SCARA5: variants seen among roughly 807,000 people sequenced by gnomAD.
SCARA5 encodes the protein scavenger receptor class A, member 5 (putative).
SCARA5 carries 45 observed loss-of-function variants against 46.3 expected under a neutral mutation model. The observed-to-expected ratio is 0.97, with a 90% CI of 0.76 to 1.24. The LOEUF is 1.24. Among genes scored for constraint, SCARA5 ranks in the 50% most tolerant of loss-of-function variants. The probability of loss-of-function intolerance (pLI) is 0.00; values close to 1 mark genes in which losing one functional copy is unlikely to be tolerated. For missense variants in SCARA5, 680 were observed against 689.0 expected (o/e 0.99, Z 0.15); for synonymous variants, 333 against 306.5 (o/e 1.09, Z -0.90).
At chr8:27,956,021 A>G (rs1206510611) in intron 3 of SCARA5, among the ~76,000 whole-genome samples, 2 of 152,202 alleles carry the variant, frequency 1.3e-5, no homozygotes, top group Non-Finnish European at 2.9e-5. Context: ...CTGATTACAC[A>G]TTGGATTTGA....
chr8:27,955,288 A>G (rs1808190739), intron 3 of SCARA5, among the ~76,000 whole-genome samples: 1 of 152,202 alleles, frequency 6.6e-6, no homozygotes, highest in African/African-American at 2.4e-5. Flanking sequence ...AGGGTTTCCC[A>G]GCAGGGCGAG....
At chr8:27,991,725 C>T (rs1248037828) in intron 1 of SCARA5, among the ~76,000 whole-genome samples, 1 of 152,156 alleles carries the variant, frequency 6.6e-6, no homozygotes, top group Non-Finnish European at 1.5e-5. Flanking sequence ...AAATGTTTTC[C>T]TCCTCTAACT....
At chr8:27,938,326 A>T (rs1807889626) in intron 3 of SCARA5, among the ~76,000 whole-genome samples, 1 of 146,998 alleles carries the variant, frequency 6.8e-6, no homozygotes, top group Non-Finnish European at 1.5e-5. Context: ...TTTGAAGGTG[A>T]ATTTATTGGT....
At position 27,889,137 on chromosome 8, in the gene SCARA5, C is replaced by T. The variant is rs1264773749; in HGVS notation, c.1154-9371G>A. Reference sequence around the variant, plus strand: ...GGCCCCAAATCTCTCAAAGCTTGAGCTTGTTCCCCAGTAAAGAGGGTACAG... The same window carrying T: ...GGCCCCAAATCTCTCAAAGCTTGAGTTTGTTCCCCAGTAAAGAGGGTACAG... On this transcript the variant is annotated intron_variant, in intron 7 of 8. Transcript: ENST00000354914. Among the ~76,000 whole-genome samples, 15 of 152,270 alleles carry T rather than the reference C, an allele frequency of 9.9e-5. No homozygotes were observed. In the East Asian group the frequency reaches 2.9e-3, roughly 29 times the overall value.
chr8:27,933,678 G>A (rs547451536), intron 3 of SCARA5, among the ~76,000 whole-genome samples: 3 of 152,226 alleles, frequency 2.0e-5, no homozygotes, highest in African/African-American at 7.2e-5. Flanking sequence ...AAATGTCCAT[G>A]TTTTTTGACC....
intron 7 of SCARA5, among the ~76,000 whole-genome samples, chr8:27,895,791 C>G (rs147517889): frequency 6.6e-6 from 1 of 152,328 alleles, no homozygotes; most frequent in Non-Finnish European, 1.5e-5. Flanking sequence ...CCCTGAGGAT[C>G]GTACTGGACT....
chr8:27,894,481 A>G (rs1004818039), intron 7 of SCARA5, among the ~76,000 whole-genome samples: 3 of 152,178 alleles, frequency 2.0e-5, no homozygotes, highest in Non-Finnish European at 4.4e-5. Context: ...TCCAGTCTTG[A>G]CTGTATCTGG....
intron 1 of SCARA5, among the ~76,000 whole-genome samples, chr8:27,989,224 C>T (rs996546744): frequency 1.4e-5 from 2 of 147,688 alleles, no homozygotes; most frequent in Non-Finnish European, 3.0e-5. Context: ...CAACCTCCGC[C>T]TCCCGGGCTC....
chr8:27,932,420 A>G (rs1052392474), intron 3 of SCARA5, among the ~76,000 whole-genome samples: 8 of 152,232 alleles, frequency 5.3e-5, no homozygotes, highest in Non-Finnish European at 1.2e-4. Flanking sequence ...GGGACCCTGT[A>G]TTAGTCCTCT....
At chr8:27,937,805 T>A (rs541647494) in intron 3 of SCARA5, among the ~76,000 whole-genome samples, 1 of 152,250 alleles carries the variant, frequency 6.6e-6, no homozygotes, top group South Asian at 2.1e-4. Context: ...TGCAAACACA[T>A]CCCTGGCATT....
intron 3 of SCARA5, among the ~76,000 whole-genome samples, chr8:27,954,634 T>G (rs969749406): frequency 2.0e-5 from 3 of 152,218 alleles, no homozygotes; most frequent in Non-Finnish European, 4.4e-5. Flanking sequence ...TTTGAGTGAT[T>G]ATGAAGAATG....
At chr8:27,978,601 G>A (rs552059627) in intron 2 of SCARA5, among the ~76,000 whole-genome samples, 107 of 151,550 alleles carry the variant, frequency 7.1e-4, no homozygotes, top group Middle Eastern at 7.0e-3. Context: ...AGCCTTGACC[G>A]CCTGGTCAAG....
chr8:27,945,391 G>C (rs902080207), intron 3 of SCARA5, among the ~76,000 whole-genome samples: 4 of 152,152 alleles, frequency 2.6e-5, no homozygotes, highest in Non-Finnish European at 4.4e-5. Flanking sequence ...TTCCCCATTT[G>C]TGGGGCACTA....
chr8:27,895,520 A>G (rs539422703), intron 7 of SCARA5, among the ~76,000 whole-genome samples: 2 of 152,304 alleles, frequency 1.3e-5, no homozygotes, highest in Non-Finnish European at 2.9e-5. Flanking sequence ...ACAACTCTTC[A>G]AAGCACTTTT....
chr8:27,966,625 C>T (rs748321423), intron 2 of SCARA5, 83 bp from the exon 3 acceptor site: 9 of 1,398,022 alleles, frequency 6.4e-6, no homozygotes, highest in Non-Finnish European at 8.7e-6. Flanking sequence ...CTCATCTCTC[C>T]CTGATGCATG....
At chr8:27,952,067 T>C (rs1223382752) in intron 3 of SCARA5, among the ~76,000 whole-genome samples, 3 of 64,638 alleles carry the variant, frequency 4.6e-5, no homozygotes, top group Non-Finnish European at 1.0e-4. Context: ...CCAATATGAT[T>C]AGTGTCCTTA....
chr8:27,923,808 C>T (rs897835557), intron 3 of SCARA5, among the ~76,000 whole-genome samples: 1 of 152,090 alleles, frequency 6.6e-6, no homozygotes, highest in African/African-American at 2.4e-5. Flanking sequence ...CTCTTGACCT[C>T]ATGATCTGCC....
intron 2 of SCARA5, among the ~76,000 whole-genome samples, chr8:27,984,031 A>G (rs1363174873): frequency 2.0e-5 from 3 of 152,132 alleles, no homozygotes; most frequent in African/African-American, 7.2e-5. Flanking sequence ...TAAAGGCTCA[A>G]GGGCGGCCCT....
chr8:27,952,708 G>A (rs1041737716), intron 3 of SCARA5, among the ~76,000 whole-genome samples: 2 of 152,320 alleles, frequency 1.3e-5, no homozygotes, highest in Admixed American at 1.3e-4. Flanking sequence ...CCCCAAGTAG[G>A]GACCTATCCT....
Sources: gnomAD v4.1 joint callset for allele counts (sites outside exome capture counted in the v4.1 genomes callset) on GRCh38, gnomAD v4.1.1 for gene constraint, MANE v1.5 for transcripts, NCBI Gene and HGNC (gene_info 2026-07-23, HGNC 2026-07-21) for gene names.